LANCL2: variants seen among roughly 807,000 people sequenced by gnomAD.
LANCL2 encodes LanC like glutathione S-transferase 2.
Under a neutral mutation model 56.9 loss-of-function variants are expected in LANCL2, and 33 were observed. The observed-to-expected ratio is 0.58, with a 90% CI of 0.44 to 0.78. The LOEUF is 0.78. Ranked by LOEUF, LANCL2 falls within the 30% of genes least tolerant of loss-of-function variation. The probability of loss-of-function intolerance (pLI) is 0.00; values close to 1 mark genes in which losing one functional copy is unlikely to be tolerated. For synonymous variants in LANCL2, 233 were observed against 228.2 expected (o/e 1.02, Z -0.19); for missense variants, 562 against 580.2 (o/e 0.97, Z 0.32).
intron 1 of LANCL2, among the ~76,000 whole-genome samples, chr7:55,372,609 C>G (rs960236049): frequency 2.0e-5 from 3 of 151,998 alleles, no homozygotes; most frequent in African/African-American, 7.3e-5. Context: ...CAGTTAGTAC[C>G]TAGGTACACA....
At chr7:55,417,181 G>C (rs997243666) in intron 6 of LANCL2, among the ~76,000 whole-genome samples, 1 of 151,780 alleles carries the variant, frequency 6.6e-6, no homozygotes, top group Non-Finnish European at 1.5e-5. Flanking sequence ...GGGTTTCACC[G>C]TGTTAGCCGG....
chr7:55,416,644 T>G (rs1434413484), intron 6 of LANCL2, among the ~76,000 whole-genome samples: 2 of 152,162 alleles, frequency 1.3e-5, no homozygotes, highest in Non-Finnish European at 2.9e-5. Context: ...TTTGCTATTT[T>G]TGAAAGAATT....
chr7:55,391,305 A>C (rs1161242435), intron 1 of LANCL2, among the ~76,000 whole-genome samples: 1 of 152,126 alleles, frequency 6.6e-6, no homozygotes, highest in Non-Finnish European at 1.5e-5. Context: ...GGCGTGAGCC[A>C]CCGCGCCCGG....
chr7:55,380,143 A>G (rs1181019556), intron 1 of LANCL2, among the ~76,000 whole-genome samples: 2 of 152,260 alleles, frequency 1.3e-5, no homozygotes, highest in African/African-American at 2.4e-5. Flanking sequence ...AATAGAATTC[A>G]TTGTCTTGCC....
At chr7:55,413,792 C>T (rs183636570) in intron 6 of LANCL2, among the ~76,000 whole-genome samples, 6 of 152,238 alleles carry the variant, frequency 3.9e-5, no homozygotes, top group Non-Finnish European at 5.9e-5. Flanking sequence ...AGATCCCATA[C>T]TTAGTCTTTA....
rs752383405 is a variant in LANCL2, at chr7:55,398,679, C to T, written c.530+49C>T. On this transcript the variant is annotated intron_variant, in intron 3 of 8. Coordinates refer to ENST00000254770, the MANE Select transcript of LANCL2 (RefSeq NM_018697.4). ...TTTCTCCCAATTCCCAGTGGAAGCTCTTGCTGTAGAAAGATATTCAGAAAG... is the reference window on the plus strand; with the variant it reads ...TTTCTCCCAATTCCCAGTGGAAGCTTTTGCTGTAGAAAGATATTCAGAAAG... The T allele has an allele frequency of 3.0e-6, 4 of 1,353,270 alleles. No homozygotes were observed. In the South Asian group the frequency reaches 4.7e-5, roughly 16 times the overall value. 83.8% of individuals were successfully genotyped at this position (1,353,270 alleles called of 1,614,324 possible). A position where few individuals can be genotyped will look rare whatever the true frequency, so the allele number is the denominator to read the frequency against.
At chr7:55,405,490 CTT>C (rs35842812) in intron 5 of LANCL2, among the ~76,000 whole-genome samples, 149 of 123,258 alleles carry the variant, frequency 1.2e-3, no homozygotes, top group Non-Finnish European at 1.4e-3. Flanking sequence ...GGTTCAGGAA[CTT>C]TTTTTTTTTT....
intron 1 of LANCL2, among the ~76,000 whole-genome samples, chr7:55,380,598 C>T (rs1790055504): frequency 6.6e-6 from 1 of 151,948 alleles, no homozygotes; most frequent in Non-Finnish European, 1.5e-5. Context: ...TGTATTATGT[C>T]CAGATTCTAT....
At position 55,430,026 on chromosome 7, in the gene LANCL2, T is replaced by C. The variant is rs145437726; in HGVS notation, c.1259-1200T>C. Among the ~76,000 whole-genome samples the C allele has an allele frequency of 5.4e-3, 819 of 152,350 alleles. 14 individuals carry two copies. Among genetic ancestry groups the C allele is most frequent in the African/African-American group, 0.018 (764 of 41,590 alleles). The stretch of plus-strand genomic sequence containing the variant: ...CCCTTCTGGAGGAGCTCACTCCTGC[T>C]GGAGTGCACCGCCCAGTGGATCCGC... On this transcript the variant is annotated intron_variant, in intron 8 of 8. Coordinates refer to ENST00000254770, the MANE Select transcript of LANCL2 (RefSeq NM_018697.4).
chr7:55,426,414 C>T (rs1790664249), intron 7 of LANCL2, among the ~76,000 whole-genome samples: 1 of 152,242 alleles, frequency 6.6e-6, no homozygotes, highest in Non-Finnish European at 1.5e-5. Flanking sequence ...GAAGAAAATA[C>T]ACTAAAGTGT....
intron 6 of LANCL2, among the ~76,000 whole-genome samples, chr7:55,420,213 C>T (rs1208411207): frequency 4.6e-5 from 7 of 152,120 alleles, no homozygotes; most frequent in Non-Finnish European, 8.8e-5. Flanking sequence ...ACATTTTCCT[C>T]TAAGCACTAT....
intron 6 of LANCL2, among the ~76,000 whole-genome samples, chr7:55,419,865 T>C (rs1332320463): frequency 6.6e-6 from 1 of 152,182 alleles, no homozygotes; most frequent in Non-Finnish European, 1.5e-5. Context: ...AAAACTTCCT[T>C]CTATGGTTCT....
chr7:55,383,098 A>C (rs897661313), intron 1 of LANCL2, among the ~76,000 whole-genome samples: 1 of 152,250 alleles, frequency 6.6e-6, no homozygotes, highest in Non-Finnish European at 1.5e-5. Context: ...CTCTACTAAA[A>C]ATACAAAAAA....
At position 55,401,211 on chromosome 7, in the gene LANCL2, C is replaced by G; in HGVS notation, c.716C>G (p.Ser239Ter). Residue 239 changes from serine to a stop codon, truncating the protein, a stop_gained, in exon 5 of 9, where the codon TCA (serine) becomes TGA (stop). Coordinates refer to ENST00000254770, the MANE Select transcript of LANCL2 (RefSeq NM_018697.4). LOFTEE classifies it high-confidence loss of function. ...NAIIESGKTLSREERKTERCP... is the reference protein window; with the variant it reads ...NAIIESGKTL ...ATTATTGAATCGGGTAAGACTTTGT[C>G]AAGGGAAGAAAGAAAAACGGAGCGC... is the stretch of plus-strand genomic sequence containing the variant. 1 of 1,613,966 alleles carries G rather than the reference C, an allele frequency of 6.2e-7. No individual in the cohort carries two copies. Among genetic ancestry groups the G allele is most frequent in the Non-Finnish European group, 8.5e-7 (1 of 1,179,952 alleles).
At chr7:55,366,555 C>T (rs1357619545) in intron 1 of LANCL2, among the ~76,000 whole-genome samples, 1 of 152,106 alleles carries the variant, frequency 6.6e-6, no homozygotes, top group Non-Finnish European at 1.5e-5. Context: ...ACCTCCCGCC[C>T]CTGCGCGGCG....
intron 2 of LANCL2, among the ~76,000 whole-genome samples, chr7:55,392,317 T>C (rs555575568): frequency 1.3e-5 from 2 of 150,542 alleles, no homozygotes; most frequent in South Asian, 2.1e-4. Context: ...GTAAAGATTT[T>C]ATATCTTTTT....
Position 55,431,279 on chromosome 7 carries a change from C to T in LANCL2, c.1312C>T (p.Arg438Trp), listed in dbSNP as rs541122906. The part of the protein sequence containing the change: ...LSDVLGPETS[R>W]FPAFELDSSK... ...TGATGTCCTGGGACCAGAGACATCACGGTTTCCAGCATTTGAACTTGACTC... is the reference window on the plus strand; with the variant it reads ...TGATGTCCTGGGACCAGAGACATCATGGTTTCCAGCATTTGAACTTGACTC... The change falls in exon 9 of 9, where the codon CGG becomes TGG. Residue 438 changes from arginine to tryptophan, a missense_variant. Physicochemically the swap from Arg to Trp is moderately radical, Grantham distance 101. This residue lies in a region of LANCL2 where 378 missense variants were observed against 468.4 expected (regional missense o/e 0.81). Coordinates refer to ENST00000254770, the MANE Select transcript of LANCL2 (RefSeq NM_018697.4). 56 of 1,613,744 alleles carry T rather than the reference C, an allele frequency of 3.5e-5. No individual in the cohort carries two copies. The highest frequency in any genetic ancestry group is 1.6e-4 in the East Asian group (7 of 44,882).
chr7:55,375,204 G>A (rs1789987393), intron 1 of LANCL2, among the ~76,000 whole-genome samples: 1 of 152,142 alleles, frequency 6.6e-6, no homozygotes. Context: ...TTTTTTACAA[G>A]TTAATTGTCA....
chr7:55,431,609 C>G lies in LANCL2; in HGVS notation c.*289C>G. The stretch of plus-strand genomic sequence containing the variant: ...GTTTTAAATGGAAGGCCCTTCTATT[C>G]CTGAGGGCTCAGAGCTGACCATGCA... On this transcript the variant is annotated 3_prime_UTR_variant, in exon 9 of 9. Transcript: ENST00000254770. The G allele has an allele frequency of 3.0e-6, 1 of 331,360 alleles. No individual in the cohort carries two copies. The highest frequency in any genetic ancestry group is 5.5e-6 in the Non-Finnish European group (1 of 181,066). 20.5% of individuals were successfully genotyped at this position (331,360 alleles called of 1,614,324 possible). A position where few individuals can be genotyped will look rare whatever the true frequency, so the allele number is the denominator to read the frequency against.
Sources: gnomAD v4.1 joint callset for allele counts (sites outside exome capture counted in the v4.1 genomes callset) on GRCh38, gnomAD v4.1.1 for gene constraint, gnomAD v4.1.1 regional missense constraint, MANE v1.5 for transcripts, NCBI Gene and HGNC (gene_info 2026-07-23, HGNC 2026-07-21) for gene names.